FOXJ3: variants seen among roughly 807,000 people sequenced by gnomAD.
FOXJ3 encodes the protein forkhead box protein J3.
In FOXJ3, 22 loss-of-function variants were observed where a neutral mutation model predicts 76.1. The observed-to-expected ratio is 0.29, with a 90% confidence interval of 0.21 to 0.41. FOXJ3 has a LOEUF of 0.41. FOXJ3 is among the 10% of genes least tolerant of loss of function. The pLI, the probability that FOXJ3 is intolerant of heterozygous loss-of-function variation, is 1.00. For missense variants in FOXJ3, 613 were observed against 762.1 expected, an observed-to-expected ratio of 0.80 and a Z score of 2.30; for synonymous variants, 269 against 261.2, an observed-to-expected ratio of 1.03 and a Z score of -0.29.
At chr1:42,290,844 T>C (rs1025985764) in intron 2 of FOXJ3, among the ~76,000 whole-genome samples, 2 of 152,134 alleles carry the variant, frequency 1.3e-5, no homozygotes, top group Non-Finnish European at 2.9e-5. Flanking sequence ...TTTGTAAATA[T>C]GAATACCCTA....
intron 2 of FOXJ3, among the ~76,000 whole-genome samples, chr1:42,289,211 ATG>A (rs1192690126): frequency 6.8e-6 from 1 of 146,366 alleles, no homozygotes; most frequent in African/African-American, 2.7e-5. Context: ...ATATATGAAT[ATG>A]TTTCTTAATA....
Position 42,239,174 on chromosome 1 carries a change from T to A in FOXJ3, c.445-11208A>T, listed in dbSNP as rs193278226. ...TATTTCTAGTAGTTTTTCCCATAGA[T>A]TCCTTAGGATCTAATGTTTGCAAAT... On this transcript the variant is annotated intron_variant, in intron 4 of 12. Transcript: ENST00000361346. Among the ~76,000 whole-genome samples the A allele has an allele frequency of 2.2e-3, 341 of 152,346 alleles. 2 individuals are homozygous for A. The highest frequency in any genetic ancestry group is 0.02 in the Admixed American group (313 of 15,300).
At position 42,223,679 on chromosome 1, in the gene FOXJ3, A is replaced by C. The variant is rs961164254; in HGVS notation, c.528+4204T>G. Among the ~76,000 whole-genome samples, 4 of 152,260 alleles carry C rather than the reference A, an allele frequency of 2.6e-5. No individual in the cohort carries two copies. In the East Asian group the frequency reaches 7.7e-4, roughly 29 times the overall value. ...CTTCAGTTGGTCTACCAAATTCATT[A>C]CTTAATATTTGCTCTGTCATTTATA... is the stretch of plus-strand genomic sequence containing the variant. On this transcript the variant is annotated intron_variant, in intron 5 of 12. Transcript: ENST00000361346.
At chr1:42,299,977 C>T (rs1027257184) in intron 2 of FOXJ3, among the ~76,000 whole-genome samples, 3 of 151,658 alleles carry the variant, frequency 2.0e-5, no homozygotes, top group Admixed American at 6.6e-5. Context: ...CCCAGGTGGG[C>T]GGATCACGAG....
chr1:42,268,615 C>A (rs987035801), intron 3 of FOXJ3, among the ~76,000 whole-genome samples: 2 of 151,842 alleles, frequency 1.3e-5, no homozygotes, highest in Non-Finnish European at 2.9e-5. Context: ...GAGTTTGGAA[C>A]CATGTAAAAG....
At chr1:42,284,866 G>T (rs1227215468) in intron 2 of FOXJ3, among the ~76,000 whole-genome samples, 1 of 152,154 alleles carries the variant, frequency 6.6e-6, no homozygotes, top group African/African-American at 2.4e-5. Context: ...AATAGTATCT[G>T]TAACTCTGCC....
chr1:42,255,973 G>T (rs1650556858), intron 4 of FOXJ3, among the ~76,000 whole-genome samples: 1 of 152,234 alleles, frequency 6.6e-6, no homozygotes, highest in African/African-American at 2.4e-5. Flanking sequence ...AGTGAGCCGA[G>T]ATCGCATCAC....
chr1:42,298,030 T>G (rs908491121), intron 2 of FOXJ3, among the ~76,000 whole-genome samples: 6 of 152,208 alleles, frequency 3.9e-5, no homozygotes, highest in African/African-American at 1.4e-4. Context: ...GAGGGTTCAG[T>G]GGCAGGTAAT....
intron 11 of FOXJ3, among the ~76,000 whole-genome samples, chr1:42,183,332 G>A (rs1275304497): frequency 5.0e-5 from 3 of 60,602 alleles, no homozygotes; most frequent in African/African-American, 2.6e-4. Context: ...GGAGGGGAGG[G>A]GAGGGGAGGG....
rs1239177274 is a variant in FOXJ3 at position 42,280,490 on chromosome 1, C to T, written c.45-1818G>A. On this transcript the variant is annotated intron_variant, in intron 2 of 12. Transcript: ENST00000361346. ...AACTTACTATCCTACTCTACAATCT[C>T]AACCAGAAATGCCTGTTCCCAGCAA... The T allele has an allele frequency of 3.3e-6, 3 of 898,180 alleles. No individual in the cohort carries two copies. In the African/African-American group the frequency reaches 5.9e-5, roughly 18 times the overall value. The allele number at this position is 898,180 out of a possible 1,614,324, so 55.6% of individuals were successfully genotyped here.
At chr1:42,324,310 A>G (rs1655691465) in intron 1 of FOXJ3, among the ~76,000 whole-genome samples, 1 of 140,682 alleles carries the variant, frequency 7.1e-6, no homozygotes, top group South Asian at 2.2e-4. Context: ...TATATACACT[A>G]TATATACACG....
chr1:42,209,616 C>G (rs2124348751), intron 5 of FOXJ3, among the ~76,000 whole-genome samples: 1 of 152,258 alleles, frequency 6.6e-6, no homozygotes, highest in African/African-American at 2.4e-5. Flanking sequence ...TTAACCCAAT[C>G]CAGGCCACGG....
At chr1:42,240,901 G>C (rs927748767) in intron 4 of FOXJ3, among the ~76,000 whole-genome samples, 1 of 152,206 alleles carries the variant, frequency 6.6e-6, no homozygotes, top group South Asian at 2.1e-4. Context: ...TATTAAGAAA[G>C]TGAAAACAGA....
intron 8 of FOXJ3, among the ~76,000 whole-genome samples, chr1:42,193,663 A>C (rs555565216): frequency 2.0e-4 from 30 of 152,216 alleles, no homozygotes; most frequent in Non-Finnish European, 4.0e-4. Flanking sequence ...TATAAATAAC[A>C]GTATATAACA....
chr1:42,235,711 C>T (rs532790257), intron 4 of FOXJ3, among the ~76,000 whole-genome samples: 1 of 152,160 alleles, frequency 6.6e-6, no homozygotes, highest in African/African-American at 2.4e-5. Flanking sequence ...TACAGGCGCC[C>T]GCCACCACAC....
At chr1:42,187,187 A>T (rs562292136) in intron 11 of FOXJ3, among the ~76,000 whole-genome samples, 3 of 152,244 alleles carry the variant, frequency 2.0e-5, no homozygotes, top group Admixed American at 2.0e-4. Flanking sequence ...ATCATCTTCT[A>T]CTTCTCCTGC....
intron 10 of FOXJ3, 140 bp from the exon 11 acceptor site, chr1:42,189,068 A>C: frequency 1.6e-6 from 1 of 625,746 alleles, no homozygotes; most frequent in South Asian, 2.2e-5. Context: ...CGCAATGAAG[A>C]ATGACCTTTT....
chr1:42,280,526 G>A, intron 2 of FOXJ3: 2 of 623,564 alleles, frequency 3.2e-6, no homozygotes, highest in Non-Finnish European at 4.0e-6. Flanking sequence ...GAAGTTATAG[G>A]GACTTGTAGA....
intron 1 of FOXJ3, among the ~76,000 whole-genome samples, chr1:42,326,812 T>C (rs1478683083): frequency 6.6e-6 from 1 of 152,050 alleles, no homozygotes; most frequent in Non-Finnish European, 1.5e-5. Flanking sequence ...TCCTTTGGGG[T>C]CTATAACCTT....
Sources: gnomAD v4.1 joint callset for allele counts (sites outside exome capture counted in the v4.1 genomes callset) on GRCh38, gnomAD v4.1.1 for gene constraint, MANE v1.5 for transcripts, NCBI Gene and HGNC (gene_info 2026-07-23, HGNC 2026-07-21) for gene names.